Variants in SPAG4 observed in about 807,000 individuals in gnomAD.
SPAG4 encodes sperm-associated antigen 4 protein.
In SPAG4, 54 loss-of-function variants were observed where a neutral mutation model predicts 53.9. That is an observed-to-expected ratio of 1.00 (90% CI 0.80 to 1.26). The LOEUF is 1.26. Among genes scored for constraint, SPAG4 ranks in the 50% most tolerant of loss-of-function variants. The pLI, the probability that SPAG4 is intolerant of heterozygous loss-of-function variation, is 0.00. For missense variants in SPAG4, 548 were observed against 568.6 expected, an observed-to-expected ratio of 0.96 and a Z score of 0.37; for synonymous variants, 246 against 237.4, an observed-to-expected ratio of 1.04 and a Z score of -0.33.
intron 6 of SPAG4, 49 bp from the exon 7 acceptor site, chr20:35,618,563 T>C (rs1290391224): frequency 1.0e-5 from 16 of 1,599,734 alleles, no homozygotes; most frequent in Non-Finnish European, 1.4e-5. Flanking sequence ...TTGGGAGGTG[T>C]CCAGGGGGAC....
intron 5 of SPAG4, 103 bp from the exon 6 acceptor site, chr20:35,618,347 G>C (rs530819618): frequency 3.5e-6 from 5 of 1,448,150 alleles, no homozygotes; most frequent in East Asian, 2.3e-5. Flanking sequence ...CGAGGAAAGG[G>C]GACACAGTCT....
intron 3 of SPAG4, 93 bp downstream of exon 3, chr20:35,617,679 A>G: frequency 1.3e-6 from 2 of 1,567,322 alleles, no homozygotes; most frequent in Admixed American, 3.3e-5. Flanking sequence ...GCCGATTCAG[A>G]TCTGATTGAG....
Position 35,615,917 on chromosome 20 carries a change from C to A in SPAG4, c.-87C>A. On this transcript the variant is annotated 5_prime_UTR_variant, in exon 1 of 12. Transcript: ENST00000374273. ...TCACGCAGGGTCCGTGGGGTCCCCG[C>A]GGCGCGCAGCGGCTGAAGGAGGCCC... is the stretch of plus-strand genomic sequence containing the variant. The A allele has an allele frequency of 1.5e-6, 2 of 1,375,594 alleles. No homozygotes were observed. The highest frequency in any genetic ancestry group is 2.0e-6 in the Non-Finnish European group (2 of 1,016,702). 85.2% of individuals were successfully genotyped at this position (1,375,594 alleles called of 1,614,324 possible).
chr20:35,618,572 A>C, intron 6 of SPAG4, 40 bp from the exon 7 acceptor site: 1 of 1,593,882 alleles, frequency 6.3e-7, no homozygotes. Flanking sequence ...GTCCAGGGGG[A>C]CAGGGAGCCA....
At chr20:35,618,327 AAGG>A (rs2031455581) in intron 5 of SPAG4, 120 bp from the exon 6 acceptor site, 14 of 1,292,632 alleles carry the variant, frequency 1.1e-5, no homozygotes, top group African/African-American at 1.5e-5. Flanking sequence ...CTGGGAGGTC[AAGG>A]AGGAGTCGAG....
At position 35,620,936 on chromosome 20, in the gene SPAG4, C is replaced by T; in HGVS notation, c.1228C>T (p.Pro410Ser). ...KIQILSNWGH[P>S]RFTCLYRVRA... Reference sequence around the variant, plus strand: ...CCAGATTCTAAGCAACTGGGGCCACCCCCGTTTCACGTGCTTGTATCGAGT... The same window carrying T: ...CCAGATTCTAAGCAACTGGGGCCACTCCCGTTTCACGTGCTTGTATCGAGT... The change falls in exon 12 of 12, where the codon CCC becomes TCC. Residue 410 changes from proline (P) to serine (S), a missense_variant. Transcript: ENST00000374273. 3 of 1,614,222 alleles carry T rather than the reference C, an allele frequency of 1.9e-6. No homozygotes were observed. The highest frequency in any genetic ancestry group is 2.5e-6 in the Non-Finnish European group (3 of 1,180,042).
Position 35,620,547 on chromosome 20 carries a change from C to A in SPAG4, c.1078-137C>A. 1.1e-5 allele frequency: 7 copies of A among 641,774 alleles called. No individual in the cohort carries two copies. The South Asian group carries it at 1.3e-4, about 11-fold the overall frequency. The allele number at this position is 641,774 out of a possible 1,614,324, so 39.8% of individuals were successfully genotyped here. ...AGCCCACATTCTGAATTACAGTGTA[C>A]GACCATCAAAAAATACATGAGAACA... is the stretch of plus-strand genomic sequence containing the variant. On this transcript the variant is annotated intron_variant, in intron 10 of 11. Transcript: ENST00000374273.
Position 35,617,808 on chromosome 20 carries a change from C to T in SPAG4, c.506C>T (p.Thr169Met), listed in dbSNP as rs773969380. ...REVCSIRFLF[T>M]AVSLLSLFLS... ...GTCTGTTCCATCCGCTTCCTGTTCA[C>T]GGCTGTGTCGCTGCTGAGCCTCTTT... The change falls in exon 4 of 12, where the codon ACG becomes ATG. Residue 169 changes from threonine (T) to methionine (M), a missense_variant. Coordinates refer to ENST00000374273, the MANE Select transcript of SPAG4 (RefSeq NM_003116.3). The T allele has an allele frequency of 1.1e-4, 178 of 1,613,946 alleles. 2 individuals carry two copies. The South Asian group carries it at 1.9e-3, about 17-fold the overall frequency.
At position 35,618,115 on chromosome 20, in the gene SPAG4, C is replaced by T. The variant is rs765271766; in HGVS notation, c.567C>T (p.Val189=). Reference sequence around the variant, plus strand: ...TCTGGCTGGGGCTTCTGTACCTGGTCTCTCCTTTGGAGAATGTGAGTTGGG... The same window carrying T: ...TCTGGCTGGGGCTTCTGTACCTGGTTTCTCCTTTGGAGAATGTGAGTTGGG... ...SAFWLGLLYL[V]SPLENEPKEM... is the part of the protein sequence containing the mutation. Residue 189 remains valine (V), a synonymous_variant, in exon 5 of 12, where the codon GTC becomes GTT. Coordinates refer to ENST00000374273, the MANE Select transcript of SPAG4 (RefSeq NM_003116.3). The T allele has an allele frequency of 1.2e-6, 2 of 1,613,714 alleles. No individual in the cohort carries two copies. Among genetic ancestry groups the T allele is most frequent in the Non-Finnish European group, 1.7e-6 (2 of 1,179,854 alleles).
intron 1 of SPAG4, chr20:35,616,925 C>A (rs980306495): frequency 1.8e-6 from 1 of 566,100 alleles, no homozygotes; most frequent in Non-Finnish European, 3.2e-6. Context: ...CCACCGCGCC[C>A]GGCCAGGAGA....
intron 10 of SPAG4, 110 bp from the exon 11 acceptor site, chr20:35,620,574 G>A (rs1024764660): frequency 4.1e-6 from 3 of 728,096 alleles, no homozygotes; most frequent in African/African-American, 1.7e-5. Context: ...ATGAGAACAT[G>A]CATATAGCTA....
intron 2 of SPAG4, 30 bp downstream of exon 2, chr20:35,617,270 T>A: frequency 6.7e-7 from 1 of 1,484,582 alleles, no homozygotes; most frequent in South Asian, 1.2e-5. Context: ...CGATCCCCTC[T>A]GACCCTCGGG....
Position 35,616,091 on chromosome 20 carries a change from A to T in SPAG4, c.88A>T (p.Thr30Ser). 6.3e-7 allele frequency: 1 copy of T among 1,589,250 alleles called. No homozygotes were observed. The highest frequency in any genetic ancestry group is 2.4e-5 in the East Asian group (1 of 42,468). ...CAGCGAGAACAGCTCAATGAGCATCACCTCGGAGGACAGCAAAGGGCTCCG... is the reference window on the plus strand; with the variant it reads ...CAGCGAGAACAGCTCAATGAGCATCTCCTCGGAGGACAGCAAAGGGCTCCG... ...FFSENSSMSITSEDSKGLRSA... is the reference protein window; with the variant it reads ...FFSENSSMSISSEDSKGLRSA... The change falls in exon 1 of 12, where the codon ACC becomes TCC. Residue 30 changes from threonine to serine, a missense_variant. Thr to Ser is a moderately conservative substitution (Grantham distance 58). Coordinates refer to ENST00000374273, the MANE Select transcript of SPAG4 (RefSeq NM_003116.3).
intron 7 of SPAG4, 72 bp downstream of exon 7, chr20:35,618,792 C>A: frequency 6.9e-7 from 1 of 1,441,932 alleles, no homozygotes; most frequent in Non-Finnish European, 9.6e-7. Context: ...AAGCTCCGCC[C>A]AGAGCCCTGC....
At position 35,616,083 on chromosome 20, in the gene SPAG4, T is replaced by C. The variant is rs769556098; in HGVS notation, c.80T>C (p.Met27Thr). 6.2e-7 allele frequency: 1 copy of C among 1,612,214 alleles called. No individual in the cohort carries two copies. Among genetic ancestry groups the C allele is most frequent in the South Asian group, 1.1e-5 (1 of 91,020 alleles). The change falls in exon 1 of 12, where the codon ATG becomes ACG. Residue 27 changes from methionine (M) to threonine (T), a missense_variant. Physicochemically the swap from Met to Thr is moderately conservative, Grantham distance 81. Coordinates refer to ENST00000374273, the MANE Select transcript of SPAG4 (RefSeq NM_003116.3). ...TPNFFSENSS[M>T]SITSEDSKGL... ...AACTTTTTCAGCGAGAACAGCTCAA[T>C]GAGCATCACCTCGGAGGACAGCAAA...
chr20:35,618,559 G>T (rs2031462262), intron 6 of SPAG4, 53 bp from the exon 7 acceptor site: 1 of 1,599,218 alleles, frequency 6.3e-7, no homozygotes. Context: ...GCCTTTGGGA[G>T]GTGTCCAGGG....
rs746993858 is a variant in SPAG4 at position 35,616,312 on chromosome 20, G to A, written c.304+5G>A. 4.8e-6 allele frequency: 7 copies of A among 1,466,182 alleles called. No individual in the cohort carries two copies. The highest frequency in any genetic ancestry group is 6.3e-6 in the Non-Finnish European group (7 of 1,113,262). The allele number at this position is 1,466,182 out of a possible 1,614,324, so 90.8% of individuals were successfully genotyped here. A position where few individuals can be genotyped will look rare whatever the true frequency, so the allele number is the denominator to read the frequency against. ...CCGTGAGGGGCGGGGCCTCGGGTGC[G>A]GGCGGGGTCGACCCCGGGTGAGCCA... On this transcript the variant is annotated splice_donor_5th_base_variant and intron_variant, in intron 1 of 11. Transcript: ENST00000374273.
rs764363703 is a variant in SPAG4, at chr20:35,616,038, C to T, written c.35C>T (p.Ser12Phe). Residue 12 changes from serine (S) to phenylalanine (F), a missense_variant, in exon 1 of 12, where the codon TCC (serine) becomes TTC (phenylalanine). Ser to Phe is a radical substitution (Grantham distance 155). Coordinates refer to ENST00000374273, the MANE Select transcript of SPAG4 (RefSeq NM_003116.3). ...AGCTCCCGCCCGGGCTCGGCCTCGTCCTCGCGCAAGCACACGCCCAACTTT... is the reference window on the plus strand; with the variant it reads ...AGCTCCCGCCCGGGCTCGGCCTCGTTCTCGCGCAAGCACACGCCCAACTTT... ...RRSSRPGSASSSRKHTPNFFS... is the reference protein window; with the variant it reads ...RRSSRPGSASFSRKHTPNFFS... 1 of 1,612,572 alleles carries T rather than the reference C, an allele frequency of 6.2e-7. No individual in the cohort carries two copies. The highest frequency in any genetic ancestry group is 8.5e-7 in the Non-Finnish European group (1 of 1,179,674).
In SPAG4 at chr20:35,621,025, A is replaced by G; in HGVS notation, c.*3A>G. 1.9e-6 allele frequency: 3 copies of G among 1,612,894 alleles called. No individual in the cohort carries two copies. The highest frequency in any genetic ancestry group is 2.5e-6 in the Non-Finnish European group (3 of 1,178,938). On this transcript the variant is annotated 3_prime_UTR_variant, in exon 12 of 12. Transcript: ENST00000374273. ...GCAGTGCACAGGGGCCCCATTAAAC[A>G]TGCTGATTTTTGGAGTAGAATTGAG...
Sources: allele counts gnomAD v4.1 joint callset, GRCh38; gene constraint gnomAD v4.1.1; transcripts MANE v1.5; gene names NCBI Gene and HGNC (gene_info 2026-07-23, HGNC 2026-07-21).